BRAF: variants seen among roughly 807,000 people sequenced by gnomAD.
BRAF encodes B-Raf proto-oncogene, serine/threonine kinase.
In BRAF, 16 loss-of-function variants were observed where a neutral mutation model predicts 104.6. The observed-to-expected ratio is 0.15, with a 90% CI of 0.10 to 0.23. The LOEUF is 0.23. BRAF is among the 10% of genes least tolerant of loss of function. The probability of loss-of-function intolerance (pLI) is 1.00; values close to 1 mark genes in which losing one functional copy is unlikely to be tolerated. For missense variants in BRAF, 541 were observed against 937.3 expected, an observed-to-expected ratio of 0.58 and a Z score of 5.52; for synonymous variants, 310 against 341.6, an observed-to-expected ratio of 0.91 and a Z score of 1.02.
At chr7:140,801,347 C>T (rs1803090956) in intron 6 of BRAF, 65 bp downstream of exon 6, 2 of 1,568,608 alleles carry the variant, frequency 1.3e-6, no homozygotes, top group African/African-American at 2.7e-5. Flanking sequence ...GACATCGTAG[C>T]TTCACATTAA....
chr7:140,759,955 C>T (rs1357250093), intron 14 of BRAF, among the ~76,000 whole-genome samples: 2 of 152,134 alleles, frequency 1.3e-5, no homozygotes, highest in East Asian at 1.9e-4. Context: ...TTCTGAGCAG[C>T]AAGAAACTAA....
At chr7:140,768,227 T>C (rs1408300896) in intron 14 of BRAF, among the ~76,000 whole-genome samples, 1 of 149,948 alleles carries the variant, frequency 6.7e-6, no homozygotes, top group Non-Finnish European at 1.5e-5. Context: ...GAATTTCCTA[T>C]AATGATTACA....
intron 1 of BRAF, among the ~76,000 whole-genome samples, chr7:140,899,787 G>A (rs1815392844): frequency 1.3e-5 from 2 of 151,964 alleles, no homozygotes; most frequent in Non-Finnish European, 2.9e-5. Flanking sequence ...CTCTAAACTG[G>A]CTCCCAATGA....
chr7:140,852,675 C>T (rs1156932167), intron 1 of BRAF, among the ~76,000 whole-genome samples: 1 of 152,094 alleles, frequency 6.6e-6, no homozygotes, highest in African/African-American at 2.4e-5. Context: ...TCTTTATATG[C>T]CAACTATGAA....
intron 2 of BRAF, chr7:140,836,198 C>G (rs566548144): frequency 6.6e-6 from 1 of 152,128 alleles, no homozygotes; most frequent in South Asian, 2.1e-4. Context: ...TGGGACATAG[C>G]AAAAGATCAA....
At chr7:140,897,718 T>G (rs1225406087) in intron 1 of BRAF, among the ~76,000 whole-genome samples, 1 of 151,866 alleles carries the variant, frequency 6.6e-6, no homozygotes, top group East Asian at 1.9e-4. Flanking sequence ...GCCAGGATGG[T>G]CTCAATCTCT....
At chr7:140,836,376 G>C (rs1249090317) in intron 2 of BRAF, 1 of 152,084 alleles carries the variant, frequency 6.6e-6, no homozygotes, top group Non-Finnish European at 1.5e-5. Context: ...TGAATGTAAG[G>C]GAGGAAGGGA....
At chr7:140,739,484 A>G (rs1427545593) in intron 18 of BRAF, among the ~76,000 whole-genome samples, 1 of 144,046 alleles carries the variant, frequency 6.9e-6, no homozygotes, top group Non-Finnish European at 1.5e-5. Context: ...AATTTCTAAT[A>G]AGGAATTAAA....
intron 14 of BRAF, chr7:140,758,386 A>G (rs1030044575): frequency 6.6e-6 from 1 of 152,212 alleles, no homozygotes; most frequent in African/African-American, 2.4e-5. Flanking sequence ...CGAATAGGTA[A>G]AGTTCACATA....
chr7:140,804,693 C>T (rs1305184739), intron 5 of BRAF, among the ~76,000 whole-genome samples: 1 of 152,164 alleles, frequency 6.6e-6, no homozygotes, highest in Non-Finnish European at 1.5e-5. Flanking sequence ...TCATACAACA[C>T]TACTTACCCT....
chr7:140,904,710 G>A (rs1816096635), intron 1 of BRAF, among the ~76,000 whole-genome samples: 3 of 152,146 alleles, frequency 2.0e-5, no homozygotes, highest in Admixed American at 2.0e-4. Context: ...CTGGGTTCAA[G>A]CAATTCTTCT....
intron 18 of BRAF, among the ~76,000 whole-genome samples, chr7:140,737,019 C>T (rs1318945582): frequency 6.6e-6 from 1 of 151,744 alleles, no homozygotes; most frequent in Non-Finnish European, 1.5e-5. Context: ...TACTGCACTC[C>T]AGCCTGGGCA....
At chr7:140,781,459 A>G in intron 12 of BRAF, 117 bp downstream of exon 11, 2 of 1,078,254 alleles carry the variant, frequency 1.9e-6, no homozygotes, top group Non-Finnish European at 1.4e-6. Flanking sequence ...AAACTAATCA[A>G]AATAGTTTAT....
intron 5 of BRAF, among the ~76,000 whole-genome samples, chr7:140,807,569 A>G (rs1803790171): frequency 6.6e-6 from 1 of 152,112 alleles, no homozygotes; most frequent in Non-Finnish European, 1.5e-5. Context: ...AGAGAAAAAA[A>G]GAAAGGAAAA....
At chr7:140,881,470 G>T (rs1301307285) in intron 1 of BRAF, among the ~76,000 whole-genome samples, 1 of 152,206 alleles carries the variant, frequency 6.6e-6, no homozygotes, top group Non-Finnish European at 1.5e-5. Context: ...GGCCAGGCTG[G>T]TCTCGAACTC....
downstream of BRAF, among the ~76,000 whole-genome samples, chr7:140,718,115 G>A (rs1795176032): frequency 6.6e-6 from 1 of 152,060 alleles, no homozygotes; most frequent in Admixed American, 6.5e-5. Context: ...TTTTTTTTGA[G>A]ACAGAGTCTC....
At chr7:140,878,676 T>C (rs942192846) in intron 1 of BRAF, among the ~76,000 whole-genome samples, 1 of 152,218 alleles carries the variant, frequency 6.6e-6, no homozygotes, top group Non-Finnish European at 1.5e-5. Flanking sequence ...TTCTAGTATT[T>C]CACAGTATAG....
chr7:140,826,645 C>T (rs1438397761), intron 3 of BRAF, among the ~76,000 whole-genome samples: 2 of 152,170 alleles, frequency 1.3e-5, no homozygotes, highest in East Asian at 1.9e-4. Flanking sequence ...AAACTCTGAG[C>T]GATATACTTC....
At chr7:140,882,817 G>T (rs1258778291) in intron 1 of BRAF, among the ~76,000 whole-genome samples, 1 of 151,898 alleles carries the variant, frequency 6.6e-6, no homozygotes, top group Non-Finnish European at 1.5e-5. Flanking sequence ...ACATGGAGAA[G>T]AAACCCCGTC....
Sources: allele counts gnomAD v4.1 joint callset (sites outside exome capture counted in the v4.1 genomes callset), GRCh38; gene constraint gnomAD v4.1.1; transcripts MANE v1.5; gene names NCBI Gene and HGNC (gene_info 2026-07-23, HGNC 2026-07-21).